EPM2A: variants seen among roughly 807,000 people sequenced by gnomAD.
EPM2A encodes laforin.
A neutral mutation model predicts 26.5 loss-of-function variants in EPM2A; 21 were observed. The observed-to-expected ratio is 0.79, with a 90% CI of 0.56 to 1.14. The LOEUF is 1.14. EPM2A is among the 50% of genes most tolerant of loss of function. EPM2A has a pLI of 0.00. For synonymous variants in EPM2A, 217 were observed against 177.6 expected, an observed-to-expected ratio of 1.22 and a Z score of -1.76; for missense variants, 458 against 440.8, an observed-to-expected ratio of 1.04 and a Z score of -0.35.
At chr6:145,730,028 C>G (rs1433147490) in intron 1 of EPM2A, among the ~76,000 whole-genome samples, 1 of 152,140 alleles carries the variant, frequency 6.6e-6, no homozygotes, top group Non-Finnish European at 1.5e-5. Context: ...CCATCTTTCT[C>G]TCTTCCTCCT....
chr6:145,463,921 C>T (rs1779355867), intron 4 of EPM2A, among the ~76,000 whole-genome samples: 1 of 152,144 alleles, frequency 6.6e-6, no homozygotes, highest in South Asian at 2.1e-4. Flanking sequence ...TAATCCCCAC[C>T]TGGCAGGGGA....
chr6:145,449,061 T>C (rs947871902), intron 4 of EPM2A, among the ~76,000 whole-genome samples: 1 of 152,236 alleles, frequency 6.6e-6, no homozygotes, highest in Admixed American at 6.5e-5. Context: ...TTTGCGGGCT[T>C]CATGTTTCAC....
At chr6:145,649,805 G>C (rs1429842887) in intron 2 of EPM2A, among the ~76,000 whole-genome samples, 2 of 152,180 alleles carry the variant, frequency 1.3e-5, no homozygotes, top group Non-Finnish European at 2.9e-5. Context: ...AGTTGCAACA[G>C]AAATCATTTA....
chr6:145,487,031 C>A (rs1582792577), intron 4 of EPM2A, among the ~76,000 whole-genome samples: 1 of 151,994 alleles, frequency 6.6e-6, no homozygotes, highest in East Asian at 1.9e-4. Flanking sequence ...GTGTGTTGTT[C>A]CCCTCTATGT....
At chr6:145,571,800 C>T (rs772193291) in intron 2 of EPM2A, among the ~76,000 whole-genome samples, 3 of 152,124 alleles carry the variant, frequency 2.0e-5, no homozygotes, top group Admixed American at 6.5e-5. Flanking sequence ...GCCCACTGGG[C>T]AATGACAGGG....
intron 4 of EPM2A, among the ~76,000 whole-genome samples, chr6:145,446,112 G>A (rs1299792528): frequency 2.0e-5 from 3 of 152,182 alleles, no homozygotes; most frequent in African/African-American, 4.8e-5. Flanking sequence ...ATGTAAATAA[G>A]CCACCTTGGA....
chr6:145,532,135 G>C (rs1247109157), intron 2 of EPM2A, among the ~76,000 whole-genome samples: 1 of 152,144 alleles, frequency 6.6e-6, no homozygotes, highest in Non-Finnish European at 1.5e-5. Flanking sequence ...TGCAAACCCG[G>C]AATAAGAACA....
downstream of EPM2A, among the ~76,000 whole-genome samples, chr6:145,499,349 C>T (rs1006644309): frequency 2.0e-5 from 3 of 152,130 alleles, no homozygotes; most frequent in South Asian, 4.1e-4. Context: ...TTCCTTTTAC[C>T]TATTCTGCCC....
At chr6:145,497,798 T>G (rs1027948295), downstream of EPM2A, among the ~76,000 whole-genome samples, 4 of 152,242 alleles carry the variant, frequency 2.6e-5, no homozygotes, top group African/African-American at 9.6e-5. Flanking sequence ...ATCAGAGACC[T>G]GCTTAAGGAA....
At chr6:145,583,169 G>C (rs1278840382) in intron 2 of EPM2A, among the ~76,000 whole-genome samples, 2 of 152,100 alleles carry the variant, frequency 1.3e-5, no homozygotes, top group Non-Finnish European at 2.9e-5. Flanking sequence ...TCAGCCATTT[G>C]AGCCTGGTTA....
Position 145,698,610 on chromosome 6 carries a change from GAA to G in EPM2A, c.302-12316_302-12315del, listed in dbSNP as rs200938162. Among the ~76,000 whole-genome samples the G allele has an allele frequency of 5.2e-3, 750 of 145,138 alleles. 7 individuals are homozygous for G. The highest frequency in any genetic ancestry group is 0.021 in the Middle Eastern group (6 of 280). Reference sequence around the variant, plus strand: ...CAAGTTAATTTGAAGAAACATAATAGAAAAAAAAAAAACAAGGTAAAAGCAAA... The same window carrying G: ...CAAGTTAATTTGAAGAAACATAATAGAAAAAAAAAACAAGGTAAAAGCAAA... On this transcript the variant is annotated intron_variant, in intron 1 of 3. Coordinates refer to ENST00000367519, the MANE Select transcript of EPM2A (RefSeq NM_005670.4).
intron 2 of EPM2A, among the ~76,000 whole-genome samples, chr6:145,668,584 C>T (rs775301711): frequency 1.3e-5 from 2 of 152,004 alleles, no homozygotes; most frequent in African/African-American, 4.8e-5. Context: ...AAAGTAGAGA[C>T]CCTGTCTTGT....
intron 4 of EPM2A, among the ~76,000 whole-genome samples, chr6:145,485,670 C>A (rs879692837): frequency 1.3e-5 from 2 of 152,114 alleles, no homozygotes; most frequent in African/African-American, 2.4e-5. Flanking sequence ...GGATGTTCTG[C>A]CCTTGCAATG....
chr6:145,467,957 C>T (rs1779421605), intron 4 of EPM2A, among the ~76,000 whole-genome samples: 1 of 151,654 alleles, frequency 6.6e-6, no homozygotes, highest in Non-Finnish European at 1.5e-5. Context: ...TAGTTTTTTT[C>T]AGTTTATTTT....
In EPM2A at chr6:145,680,362, C is replaced by CATTTATTT. The variant is rs201867944; in HGVS notation, c.476+5752_476+5759dup. ...TTCTTTTTTTTTTCTGCGTAAGTTT[C>CATTTATTT]ATTTATTTATTTATTTATTTATTTT... On this transcript the variant is annotated intron_variant, in intron 2 of 3. Coordinates refer to ENST00000367519, the MANE Select transcript of EPM2A (RefSeq NM_005670.4). Among the ~76,000 whole-genome samples the CATTTATTT allele has an allele frequency of 4.9e-3, 697 of 143,660 alleles. 5 individuals are homozygous for CATTTATTT. The highest frequency in any genetic ancestry group is 0.016 in the African/African-American group (600 of 38,638). The allele number at this position is 143,660 out of a possible 152,430, so 94.2% of individuals were successfully genotyped here.
intron 2 of EPM2A, among the ~76,000 whole-genome samples, chr6:145,509,546 A>T (rs912778480): frequency 2.0e-5 from 3 of 152,310 alleles, no homozygotes; most frequent in Middle Eastern, 3.4e-3. Context: ...CACTAAGGGA[A>T]TTTGTTAGCA....
At chr6:145,485,645 C>T (rs1779661943) in intron 4 of EPM2A, among the ~76,000 whole-genome samples, 1 of 151,946 alleles carries the variant, frequency 6.6e-6, no homozygotes, top group South Asian at 2.1e-4. Flanking sequence ...CTGGGTTAAC[C>T]TTAAAGCAAA....
intron 4 of EPM2A, among the ~76,000 whole-genome samples, chr6:145,473,734 T>C (rs1473293965): frequency 6.6e-6 from 1 of 152,134 alleles, no homozygotes; most frequent in East Asian, 1.9e-4. Context: ...GTGGAAACCT[T>C]ACAGGCCAGA....
At chr6:145,685,938 C>T (rs1256956788) in intron 2 of EPM2A, among the ~76,000 whole-genome samples, 184 bp downstream of exon 2, 1 of 152,102 alleles carries the variant, frequency 6.6e-6, no homozygotes, top group Non-Finnish European at 1.5e-5. Flanking sequence ...TTTTTAAAAT[C>T]CTCCACATCT....
Sources: gnomAD v4.1 joint callset for allele counts (sites outside exome capture counted in the v4.1 genomes callset) on GRCh38, gnomAD v4.1.1 for gene constraint, MANE v1.5 for transcripts, NCBI Gene and HGNC (gene_info 2026-07-23, HGNC 2026-07-21) for gene names.